ALLC: variants seen among roughly 807,000 people sequenced by gnomAD.
The protein encoded by ALLC is allantoicase.
ALLC carries 40 observed loss-of-function variants against 45.0 expected under a neutral mutation model. That is an observed-to-expected ratio of 0.89 (90% CI 0.69 to 1.16). ALLC has a LOEUF of 1.16. ALLC is among the 50% of genes most tolerant of loss of function. ALLC has a pLI of 0.00. For synonymous variants in ALLC, 176 were observed against 178.1 expected, an observed-to-expected ratio of 0.99 and a Z score of 0.09; for missense variants, 488 against 493.1, an observed-to-expected ratio of 0.99 and a Z score of 0.10.
Position 3,669,055 on chromosome 2 carries a change from G to C in ALLC, c.-62-2041G>C, listed in dbSNP as rs894683089. On this transcript the variant is annotated intron_variant, in intron 1 of 11. Transcript: ENST00000252505. ...CTCAGACAGTTTAGAAGATAATTCC[G>C]GCCAGGCACAGTGGCTCACACATGT... is the stretch of plus-strand genomic sequence containing the variant. Among the ~76,000 whole-genome samples, 5 of 152,010 alleles carry C rather than the reference G, an allele frequency of 3.3e-5. No homozygotes were observed. The East Asian group carries it at 5.8e-4, about 18-fold the overall frequency.
At chr2:3,668,017 G>C (rs886284499) in intron 1 of ALLC, among the ~76,000 whole-genome samples, 36 of 152,024 alleles carry the variant, frequency 2.4e-4, no homozygotes. Flanking sequence ...TGCCCGCCTC[G>C]GCCTCCCAAA....
the ALLC span, among the ~76,000 whole-genome samples, chr2:3,652,580 ATTTTTTTTTTTTTTTTTT>A: frequency 1.1e-5 from 1 of 93,328 alleles, no homozygotes; most frequent in Admixed American, 1.2e-4. Flanking sequence ...AAACTTTGTG[ATTTTTTTTTTTTTTTTTT>A]TTTTTTTTTG....
intron 7 of ALLC, among the ~76,000 whole-genome samples, chr2:3,692,941 T>C (rs931811945): frequency 1.8e-4 from 27 of 152,104 alleles, no homozygotes; most frequent in Admixed American, 4.6e-4. Context: ...GGGCTTAGCC[T>C]CAGTAACAGG....
At chr2:3,687,915 G>A (rs1367277) in intron 7 of ALLC, 16,602 of 150,958 alleles carry the variant, frequency 0.11, 1,479 homozygotes, top group African/African-American at 0.15. Flanking sequence ...AGTGAGTGTG[G>A]CAGGGACTCC....
At chr2:3,698,363 T>C (rs538876898) in intron 10 of ALLC, among the ~76,000 whole-genome samples, 3 of 152,270 alleles carry the variant, frequency 2.0e-5, no homozygotes, top group African/African-American at 7.2e-5. Context: ...CTCTTTACCA[T>C]AGAGGCTCTG....
intron 1 of ALLC, among the ~76,000 whole-genome samples, chr2:3,663,272 G>A (rs1030030458): frequency 3.9e-5 from 6 of 152,176 alleles, no homozygotes; most frequent in African/African-American, 1.4e-4. Flanking sequence ...TCCTTTGTAG[G>A]AACATGAATG....
chr2:3,677,536 C>T lies in ALLC; in HGVS notation c.85-932C>T, dbSNP rs138023406. On this transcript the variant is annotated intron_variant, in intron 3 of 11. Coordinates refer to ENST00000252505, the MANE Select transcript of ALLC (RefSeq NM_018436.4). ...ATTTAAGGTTGACAACAGCCAGAGG[C>T]GGTCAATAGCACGATGGCTGTTTGC... Among the ~76,000 whole-genome samples the T allele has an allele frequency of 1.8e-4, 27 of 152,336 alleles. No homozygotes were observed. In the East Asian group the frequency reaches 4.6e-3, roughly 26 times the overall value.
chr2:3,651,831 C>T, the ALLC span, among the ~76,000 whole-genome samples: 2 of 152,214 alleles, frequency 1.3e-5, no homozygotes, highest in East Asian at 3.9e-4. Context: ...CATCCGGATG[C>T]TCCTCCCTTA....
At chr2:3,674,378 T>C (rs13409383) in intron 3 of ALLC, among the ~76,000 whole-genome samples, 1 of 152,206 alleles carries the variant, frequency 6.6e-6, no homozygotes, top group Non-Finnish European at 1.5e-5. Flanking sequence ...CAAATACTGC[T>C]CTTCTGGGTA....
In ALLC at chr2:3,674,072, T is replaced by C. The variant is rs971318606; in HGVS notation, c.34-3T>C. 1 of 1,546,808 alleles carries C rather than the reference T, an allele frequency of 6.5e-7. No individual in the cohort carries two copies. The highest frequency in any genetic ancestry group is 8.8e-7 in the Non-Finnish European group (1 of 1,140,910). ...ATCTTTCTTTCTTTCTTTCTTTGTCTAGATTTTATTTGCAACAGATGACTT... is the reference window on the plus strand; with the variant it reads ...ATCTTTCTTTCTTTCTTTCTTTGTCCAGATTTTATTTGCAACAGATGACTT... On this transcript the variant is annotated splice_region_variant and splice_polypyrimidine_tract_variant and intron_variant, in intron 2 of 11. Coordinates refer to ENST00000252505, the MANE Select transcript of ALLC (RefSeq NM_018436.4).
chr2:3,673,172 G>A (rs1352906470), intron 2 of ALLC, among the ~76,000 whole-genome samples: 1 of 152,244 alleles, frequency 6.6e-6, no homozygotes, highest in Non-Finnish European at 1.5e-5. Flanking sequence ...TGCGAGGAGA[G>A]CAAGGGAGCC....
rs556249261 is a variant in ALLC, at chr2:3,668,014, C to T, written c.-62-3082C>T. On this transcript the variant is annotated intron_variant, in intron 1 of 11. Coordinates refer to ENST00000252505, the MANE Select transcript of ALLC (RefSeq NM_018436.4). ...TCCCGACCTCAGGTGATCTGCCCGC[C>T]TCGGCCTCCCAAAGTGCTGGGATTA... is the stretch of plus-strand genomic sequence containing the variant. 3.9e-5 allele frequency among the ~76,000 whole-genome samples: 6 copies of T among 152,320 alleles called. No individual in the cohort carries two copies. The South Asian group carries it at 1.2e-3, about 32-fold the overall frequency.
At position 3,682,626 on chromosome 2, in the gene ALLC, C is replaced by T. The variant is rs553772553; in HGVS notation, c.379-316C>T. Among the ~76,000 whole-genome samples the T allele has an allele frequency of 2.6e-5, 4 of 152,228 alleles. No individual in the cohort carries two copies. The South Asian group carries it at 6.2e-4, about 24-fold the overall frequency. ...CTGCAAGCTCCGCCTCCCAGGTTCA[C>T]GCCATTCTCCTGCCTCAGCCTCCCG... On this transcript the variant is annotated intron_variant, in intron 6 of 11. Transcript: ENST00000252505.
At chr2:3,655,563 C>G (rs1666419538), upstream of ALLC, among the ~76,000 whole-genome samples, 1 of 152,206 alleles carries the variant, frequency 6.6e-6, no homozygotes, top group Non-Finnish European at 1.5e-5. Flanking sequence ...TCAAGCGATC[C>G]TCCCACCTCA....
At chr2:3,649,229 G>A in the ALLC span, among the ~76,000 whole-genome samples, 32 of 151,244 alleles carry the variant, frequency 2.1e-4, no homozygotes, top group African/African-American at 7.8e-4. Context: ...TTCGAAAAAA[G>A]ACCCCAAACA....
upstream of ALLC, among the ~76,000 whole-genome samples, chr2:3,655,318 G>T (rs889083099): frequency 1.8e-4 from 27 of 152,272 alleles, no homozygotes; most frequent in African/African-American, 6.5e-4. Flanking sequence ...GAAGAATGGG[G>T]CGTGGATGCA....
intron 3 of ALLC, among the ~76,000 whole-genome samples, chr2:3,676,974 GA>G (rs888481624): frequency 6.6e-6 from 1 of 151,458 alleles, no homozygotes. Flanking sequence ...TTTTAGTAGA[GA>G]GGGGGTTTCA....
intron 6 of ALLC, among the ~76,000 whole-genome samples, chr2:3,682,229 C>T (rs1162247181): frequency 2.0e-5 from 3 of 152,172 alleles, no homozygotes; most frequent in African/African-American, 4.8e-5. Flanking sequence ...TTGAGAAGTG[C>T]TAACCTAGAG....
At chr2:3,651,434 TGTGTGTGTTA>T in the ALLC span, among the ~76,000 whole-genome samples, 23 of 60,566 alleles carry the variant, frequency 3.8e-4, 1 homozygote, top group African/African-American at 9.2e-4. Context: ...TGTGTGTGTG[TGTGTGTGTTA>T]GGAAGGGAGA....
Sources: allele counts gnomAD v4.1 joint callset (sites outside exome capture counted in the v4.1 genomes callset), GRCh38; gene constraint gnomAD v4.1.1; transcripts MANE v1.5; gene names NCBI Gene and HGNC (gene_info 2026-07-23, HGNC 2026-07-21).